BLTP1: variants seen among roughly 807,000 people sequenced by gnomAD.
BLTP1 encodes bridge-like lipid transfer protein family member 1, also known as fragile site-associated protein.
At chr4:122,300,918 CAA>C in the BLTP1 span, 8,436 of 847,790 alleles carry the variant, frequency 1.0e-2, no homozygotes, top group Middle Eastern at 0.014. Context: ...ATTGCCCAGG[CAA>C]AAAAAAAAAA....
the BLTP1 span, among the ~76,000 whole-genome samples, chr4:122,260,457 C>T: frequency 6.6e-6 from 1 of 151,960 alleles, no homozygotes. Context: ...ACAGGTAGTT[C>T]ACAGAAAAAT....
At chr4:122,250,343 C>T in the BLTP1 span, 9 of 1,571,634 alleles carry the variant, frequency 5.7e-6, no homozygotes, top group South Asian at 2.2e-5. Context: ...ATAATAAATG[C>T]TTTTTTTTAT....
At chr4:122,318,679 T>C in the BLTP1 span, among the ~76,000 whole-genome samples, 1 of 152,222 alleles carries the variant, frequency 6.6e-6, no homozygotes, top group Non-Finnish European at 1.5e-5. Flanking sequence ...AGAATTTACC[T>C]GTCAGCTACT....
the BLTP1 span, among the ~76,000 whole-genome samples, chr4:122,159,512 T>G: frequency 6.6e-6 from 1 of 152,172 alleles, no homozygotes; most frequent in African/African-American, 2.4e-5. Flanking sequence ...TGAAATACAT[T>G]TTAATCGTTG....
the BLTP1 span, chr4:122,310,887 G>A: frequency 1.1e-6 from 1 of 902,168 alleles, no homozygotes; most frequent in Non-Finnish European, 1.3e-6. Context: ...ACTTGATATG[G>A]AAATACTCAT....
chr4:122,353,419 C>T, the BLTP1 span, among the ~76,000 whole-genome samples: 99 of 152,258 alleles, frequency 6.5e-4, 1 homozygote, highest in African/African-American at 2.2e-3. This position sits in a 1 kb window ranked among gnomAD's most constrained non-coding sequence, Gnocchi z 4.3. Flanking sequence ...TGTAATCTTT[C>T]TTATAAAAAC....
At chr4:122,316,685 T>A in the BLTP1 span, 6 of 1,579,922 alleles carry the variant, frequency 3.8e-6, no homozygotes, top group Admixed American at 1.8e-5. Flanking sequence ...ATAGATTTGC[T>A]GTGTGACTTG....
the BLTP1 span, chr4:122,225,105 T>TA: frequency 5.7e-5 from 44 of 770,420 alleles, no homozygotes; most frequent in Non-Finnish European, 6.9e-5. Flanking sequence ...AAGTAGCCCT[T>TA]ATGATACTAA....
chr4:122,263,181 A>C, the BLTP1 span: 24 of 984,964 alleles, frequency 2.4e-5, no homozygotes, highest in South Asian at 1.1e-3. Context: ...GCATTTTTAA[A>C]TTGCAGCTCT....
At chr4:122,168,272 G>A in the BLTP1 span, among the ~76,000 whole-genome samples, 1 of 152,056 alleles carries the variant, frequency 6.6e-6, no homozygotes, top group East Asian at 1.9e-4. Flanking sequence ...ACTATGGTTT[G>A]TTACTGTGGT....
the BLTP1 span, chr4:122,249,931 C>G: frequency 4.1e-6 from 4 of 984,022 alleles, no homozygotes; most frequent in Non-Finnish European, 4.8e-6. Flanking sequence ...GAATAAATTC[C>G]CAAATAAAAT....
At chr4:122,201,869 A>G in the BLTP1 span, 1 of 984,900 alleles carries the variant, frequency 1.0e-6, no homozygotes, top group Non-Finnish European at 1.2e-6. Flanking sequence ...GTTTTATACA[A>G]GCGTCTCATC....
At chr4:122,290,680 G>A in the BLTP1 span, among the ~76,000 whole-genome samples, 771 of 148,998 alleles carry the variant, frequency 5.2e-3, 10 homozygotes, top group African/African-American at 0.017. Context: ...CCAGCTACTC[G>A]GGAGGCTGAG....
chr4:122,206,462 T>A, the BLTP1 span, among the ~76,000 whole-genome samples: 5 of 151,972 alleles, frequency 3.3e-5, no homozygotes, highest in Non-Finnish European at 4.4e-5. Flanking sequence ...GTGCAATTTA[T>A]AATAGTCTTG....
the BLTP1 span, chr4:122,343,381 A>G: frequency 3.1e-6 from 5 of 1,608,284 alleles, no homozygotes; most frequent in Non-Finnish European, 4.3e-6. Flanking sequence ...CTTGTAGCTT[A>G]TATTTTCAAT....
At chr4:122,317,870 C>T in the BLTP1 span, among the ~76,000 whole-genome samples, 1 of 152,162 alleles carries the variant, frequency 6.6e-6, no homozygotes, top group African/African-American at 2.4e-5. Context: ...TACATCCAGA[C>T]ATTTTTTTTG....
chr4:122,231,946 A>G, the BLTP1 span: 2 of 749,622 alleles, frequency 2.7e-6, no homozygotes, highest in Non-Finnish European at 3.3e-6. Flanking sequence ...AAGCTCATGT[A>G]TGAAGAATAT....
the BLTP1 span, chr4:122,352,798 T>A: frequency 1.4e-6 from 2 of 1,381,362 alleles, no homozygotes; most frequent in South Asian, 2.8e-5. Flanking sequence ...ACTGTTTTCA[T>A]CCCTCACCTG....
the BLTP1 span, among the ~76,000 whole-genome samples, chr4:122,157,911 T>G: frequency 6.6e-6 from 1 of 152,068 alleles, no homozygotes; most frequent in Non-Finnish European, 1.5e-5. Flanking sequence ...ATGATGAGAG[T>G]GTTGGTAAAC....
Sources: gnomAD v4.1 joint callset for allele counts (sites outside exome capture counted in the v4.1 genomes callset) on GRCh38, gnomAD v4.1.1 for gene constraint, Gnocchi (gnomAD v3.1) non-coding constraint, MANE v1.5 for transcripts, NCBI Gene and HGNC (gene_info 2026-07-23, HGNC 2026-07-21) for gene names.